Variants in GALNT18 observed in about 807,000 individuals in gnomAD.
GALNT18 encodes polypeptide N-acetylgalactosaminyltransferase 18.
GALNT18 carries 44 observed loss-of-function variants against 69.5 expected under a neutral mutation model. That is an observed-to-expected ratio of 0.63 (90% CI 0.50 to 0.81). The LOEUF (loss-of-function observed/expected upper bound fraction) is 0.81, where lower values mean the gene tolerates loss of function less well. Among genes scored for constraint, GALNT18 ranks in the 40% least tolerant of loss-of-function variants. The probability of loss-of-function intolerance (pLI) is 0.00; values close to 1 mark genes in which losing one functional copy is unlikely to be tolerated. For missense variants in GALNT18, 715 were observed against 810.0 expected (o/e 0.88, Z 1.42); for synonymous variants, 364 against 318.2 (o/e 1.14, Z -1.53).
chr11:11,504,757 C>CAA (rs1184398804), intron 1 of GALNT18, among the ~76,000 whole-genome samples: 3 of 103,072 alleles, frequency 2.9e-5, no homozygotes, highest in East Asian at 4.2e-4. Flanking sequence ...GACCCCATCT[C>CAA]AAAATATATA....
intron 10 of GALNT18, among the ~76,000 whole-genome samples, chr11:11,291,053 C>G (rs949111638): frequency 6.6e-6 from 1 of 152,198 alleles, no homozygotes; most frequent in African/African-American, 2.4e-5. Flanking sequence ...CCCCAGGCCT[C>G]CCTCTGCCTC....
rs183216853 is a variant in GALNT18 at position 11,286,504 on chromosome 11, T to A, written c.1677+6525A>T. 2.7e-3 allele frequency among the ~76,000 whole-genome samples: 406 copies of A among 152,032 alleles called. 3 individuals carry two copies. Among genetic ancestry groups the A allele is most frequent in the African/African-American group, 9.4e-3 (389 of 41,442 alleles). On this transcript the variant is annotated intron_variant, in intron 10 of 10. Transcript: ENST00000227756. ...TACTGTTAGATGACTTTTTTTTTTC[T>A]CCAGTGAGCATGCATGCATCCGAGG... is the stretch of plus-strand genomic sequence containing the variant.
chr11:11,601,151 C>T lies in GALNT18; in HGVS notation c.235+20208G>A, dbSNP rs1194855229. 2.6e-5 allele frequency among the ~76,000 whole-genome samples: 4 copies of T among 152,182 alleles called. No homozygotes were observed. Reference sequence around the variant, plus strand: ...TCTCACATCCAGGTCCCCTGAAAGACAATTTCTATGATCTGCTTTGATGTC... The same window carrying T: ...TCTCACATCCAGGTCCCCTGAAAGATAATTTCTATGATCTGCTTTGATGTC... On this transcript the variant is annotated intron_variant, in intron 1 of 10. Transcript: ENST00000227756. The surrounding 1 kb of genome is among the most constrained non-coding windows in gnomAD (Gnocchi z 4.0).
At position 11,338,637 on chromosome 11, in the gene GALNT18, G is replaced by A. The variant is rs1345015287; in HGVS notation, c.1278+2182C>T. 6.6e-6 allele frequency among the ~76,000 whole-genome samples: 1 copy of A among 152,226 alleles called. No individual in the cohort carries two copies. Among genetic ancestry groups the A allele is most frequent in the South Asian group, 2.1e-4 (1 of 4,832 alleles). On this transcript the variant is annotated intron_variant, in intron 7 of 10. Coordinates refer to ENST00000227756, the MANE Select transcript of GALNT18 (RefSeq NM_198516.3). This position sits in a 1 kb window ranked among gnomAD's most constrained non-coding sequence, Gnocchi z 5.3. Reference sequence around the variant, plus strand: ...AGTCATTCTGAGTGCCTGTGGGAATGGCCAAGAGGAGATGTCCAGCTGGCA... The same window carrying A: ...AGTCATTCTGAGTGCCTGTGGGAATAGCCAAGAGGAGATGTCCAGCTGGCA...
rs1025408085 is a variant in GALNT18 at position 11,338,601 on chromosome 11, T to C, written c.1278+2218A>G. ...CAGATCTGGAGGAAGAAGATGGGTT[T>C]GGCTGGTCAGAGTCATTCTGAGTGC... is the stretch of plus-strand genomic sequence containing the variant. On this transcript the variant is annotated intron_variant, in intron 7 of 10. Transcript: ENST00000227756. The surrounding 1 kb of genome is among the most constrained non-coding windows in gnomAD (Gnocchi z 5.3). Among the ~76,000 whole-genome samples the C allele has an allele frequency of 6.6e-6, 1 of 152,158 alleles. No individual in the cohort carries two copies. The highest frequency in any genetic ancestry group is 6.5e-5 in the Admixed American group (1 of 15,276).
chr11:11,397,835 TGA>T (rs1222168199), intron 3 of GALNT18, among the ~76,000 whole-genome samples: 1 of 152,172 alleles, frequency 6.6e-6, no homozygotes, highest in African/African-American at 2.4e-5. Flanking sequence ...AAATTGCAGT[TGA>T]TTGGGCTCTG....
At chr11:11,556,182 A>G (rs1858329175) in intron 1 of GALNT18, among the ~76,000 whole-genome samples, 1 of 152,216 alleles carries the variant, frequency 6.6e-6, no homozygotes, top group African/African-American at 2.4e-5. Flanking sequence ...CCACTACGTG[A>G]AGTTGGGATA....
chr11:11,349,511 C>T (rs539592907), intron 6 of GALNT18, among the ~76,000 whole-genome samples: 8 of 152,264 alleles, frequency 5.3e-5, no homozygotes, highest in East Asian at 1.9e-4. Context: ...TCTCCCTCAC[C>T]GCAGTTTTAA....
At position 11,396,977 on chromosome 11, in the gene GALNT18, CAG is replaced by C. The variant is rs1854345974; in HGVS notation, c.596-17715_596-17714del. On this transcript the variant is annotated intron_variant, in intron 3 of 10. Transcript: ENST00000227756. The surrounding 1 kb of genome is among the most constrained non-coding windows in gnomAD (Gnocchi z 5.2). The stretch of plus-strand genomic sequence containing the variant: ...GTGCATCTTGGGGGTCTCTGGGAGT[CAG>C]AGGAAACCTAGGAGTCTTTTCCTGT... Among the ~76,000 whole-genome samples, 1 of 152,084 alleles carries C rather than the reference CAG, an allele frequency of 6.6e-6. No homozygotes were observed.
chr11:11,586,365 T>C lies in GALNT18; in HGVS notation c.235+34994A>G, dbSNP rs1429820022. On this transcript the variant is annotated intron_variant, in intron 1 of 10. Coordinates refer to ENST00000227756, the MANE Select transcript of GALNT18 (RefSeq NM_198516.3). The surrounding 1 kb of genome is among the most constrained non-coding windows in gnomAD (Gnocchi z 4.1). ...GGCAAATATTAACTGATACAACCTA[T>C]AGCAACAAAACTCCCTTGGGGTTTT... Among the ~76,000 whole-genome samples the C allele has an allele frequency of 1.3e-5, 2 of 152,186 alleles. No individual in the cohort carries two copies. The highest frequency in any genetic ancestry group is 2.9e-5 in the Non-Finnish European group (2 of 68,038).
At position 11,573,946 on chromosome 11, in the gene GALNT18, C is replaced by T. The variant is rs1858859065; in HGVS notation, c.235+47413G>A. On this transcript the variant is annotated intron_variant, in intron 1 of 10. Coordinates refer to ENST00000227756, the MANE Select transcript of GALNT18 (RefSeq NM_198516.3). This position sits in a 1 kb window ranked among gnomAD's most constrained non-coding sequence, Gnocchi z 4.6. ...ACATCTCATTATAGAAGGCAGAGTTCAGAGAAATTAGGATGGCTGCCCAAG... is the reference window on the plus strand; with the variant it reads ...ACATCTCATTATAGAAGGCAGAGTTTAGAGAAATTAGGATGGCTGCCCAAG... Among the ~76,000 whole-genome samples, 1 of 152,126 alleles carries T rather than the reference C, an allele frequency of 6.6e-6. No homozygotes were observed. The highest frequency in any genetic ancestry group is 1.5e-5 in the Non-Finnish European group (1 of 68,026).
At chr11:11,566,831 C>A (rs1466782032) in intron 1 of GALNT18, among the ~76,000 whole-genome samples, 2 of 152,216 alleles carry the variant, frequency 1.3e-5, no homozygotes, top group Non-Finnish European at 2.9e-5. Flanking sequence ...ATTCTTCAGA[C>A]CCCTCTGAAG....
rs189018741 is a variant in GALNT18 at position 11,475,031 on chromosome 11, G to A, written c.236-26095C>T. The A allele has an allele frequency of 7.9e-5, 12 of 152,294 alleles. No individual in the cohort carries two copies. In the East Asian group the frequency reaches 2.3e-3, roughly 29 times the overall value. 9.4% of individuals were successfully genotyped at this position (152,294 alleles called of 1,614,324 possible). ...ACACCCAGGCCTCCTGCCTAGCACA[G>A]GGTAGGCATCTTTTAGGGGAAAATA... On this transcript the variant is annotated intron_variant, in intron 1 of 10. Coordinates refer to ENST00000227756, the MANE Select transcript of GALNT18 (RefSeq NM_198516.3).
chr11:11,547,956 A>G (rs111363831), intron 1 of GALNT18, among the ~76,000 whole-genome samples: 9 of 151,386 alleles, frequency 5.9e-5, no homozygotes, highest in African/African-American at 2.2e-4. Context: ...TCCGCCTGAA[A>G]CTCCCAAGTT....
chr11:11,352,632 A>T, intron 6 of GALNT18: 2 of 1,614,200 alleles, frequency 1.2e-6, no homozygotes, highest in African/African-American at 1.3e-5. Context: ...ATGATCAATC[A>T]TGACATTATG....
chr11:11,424,552 G>A (rs1265132654), intron 3 of GALNT18, among the ~76,000 whole-genome samples: 1 of 152,138 alleles, frequency 6.6e-6, no homozygotes, highest in East Asian at 1.9e-4. Context: ...GAATGACTAC[G>A]ATGAGCGGCA....
intron 1 of GALNT18, among the ~76,000 whole-genome samples, chr11:11,574,065 G>T (rs1316837362): frequency 1.3e-5 from 2 of 152,118 alleles, no homozygotes; most frequent in East Asian, 3.9e-4. Context: ...TCAACAATCA[G>T]AGGACAATCT....
intron 9 of GALNT18, among the ~76,000 whole-genome samples, 185 bp from the exon 10 acceptor site, chr11:11,293,378 TATG>T (rs1769755458): frequency 6.6e-6 from 1 of 152,154 alleles, no homozygotes; most frequent in African/African-American, 2.4e-5. Context: ...CCTTTTACAT[TATG>T]ATCCGGTATA....
chr11:11,335,746 T>G (rs1208946876), intron 7 of GALNT18, among the ~76,000 whole-genome samples: 2 of 152,068 alleles, frequency 1.3e-5, no homozygotes, highest in Non-Finnish European at 2.9e-5. Flanking sequence ...TGGACACACA[T>G]AGAGACAAAG....
Sources: allele counts gnomAD v4.1 joint callset (sites outside exome capture counted in the v4.1 genomes callset), GRCh38; gene constraint gnomAD v4.1.1; non-coding constraint Gnocchi (gnomAD v3.1); transcripts MANE v1.5; gene names NCBI Gene and HGNC (gene_info 2026-07-23, HGNC 2026-07-21).